Variants in HSD17B13 observed in about 807,000 individuals in gnomAD.
HSD17B13 encodes the protein 17-beta-hydroxysteroid dehydrogenase 13.
In HSD17B13, 26 loss-of-function variants were observed where a neutral mutation model predicts 31.1. The observed-to-expected ratio is 0.84, with a 90% CI of 0.61 to 1.16. HSD17B13 has a LOEUF of 1.16. Ranked by LOEUF, HSD17B13 falls within the 50% of genes most tolerant of loss-of-function variation. The pLI, the probability that HSD17B13 is intolerant of heterozygous loss-of-function variation, is 0.00. For synonymous variants in HSD17B13, 141 were observed against 133.7 expected, an observed-to-expected ratio of 1.05 and a Z score of -0.38; for missense variants, 374 against 366.5, an observed-to-expected ratio of 1.02 and a Z score of -0.17.
chr4:87,313,809 G>A lies in HSD17B13; in HGVS notation c.695+14C>T, dbSNP rs897529199. ...TCATACCACATACCCATTCTAACTT[G>A]ATTTTGACCTTACCTTGTGCTTGGA... On this transcript the variant is annotated intron_variant, in intron 5 of 6. Coordinates refer to ENST00000328546, the MANE Select transcript of HSD17B13 (RefSeq NM_178135.5). The A allele has an allele frequency of 3.1e-6, 5 of 1,607,478 alleles. No individual in the cohort carries two copies. In the African/African-American group the frequency reaches 6.7e-5, roughly 22 times the overall value.
intron 6 of HSD17B13, among the ~76,000 whole-genome samples, chr4:87,308,512 A>T (rs1188949772): frequency 2.3e-4 from 26 of 114,752 alleles, no homozygotes; most frequent in African/African-American, 9.7e-4. Flanking sequence ...AAAAAAAAAA[A>T]AAAAAAAAAA....
intron 3 of HSD17B13, among the ~76,000 whole-genome samples, chr4:87,316,483 G>C (rs1461549880): frequency 6.6e-6 from 1 of 151,940 alleles, no homozygotes; most frequent in Non-Finnish European, 1.5e-5. Flanking sequence ...CTAATATTGA[G>C]GCACTGGAAG....
chr4:87,303,902 T>G lies in HSD17B13; in HGVS notation c.*1316A>C, dbSNP rs1487380777. 1 of 152,160 alleles carries G rather than the reference T, an allele frequency of 6.6e-6. No homozygotes were observed. Among genetic ancestry groups the G allele is most frequent in the Non-Finnish European group, 1.5e-5 (1 of 68,046 alleles). The allele number at this position is 152,160 out of a possible 1,614,324, so 9.4% of individuals were successfully genotyped here. A position where few individuals can be genotyped will look rare whatever the true frequency, so the allele number is the denominator to read the frequency against. ...TTTTGTGACTTTTAAAAAAATCATT[T>G]GTTTTTAATAAAAACAAGAGGATAG... On this transcript the variant is annotated 3_prime_UTR_variant, in exon 7 of 7. Transcript: ENST00000328546.
intron 2 of HSD17B13, among the ~76,000 whole-genome samples, chr4:87,318,035 C>G (rs116470215): frequency 4.7e-3 from 713 of 152,188 alleles, no homozygotes; most frequent in East Asian, 0.014. Flanking sequence ...TAAAACAAAA[C>G]TAGGAAGTGA....
intron 6 of HSD17B13, among the ~76,000 whole-genome samples, chr4:87,305,859 T>G (rs752676836): frequency 3.3e-4 from 50 of 152,178 alleles, no homozygotes; most frequent in Non-Finnish European, 6.5e-4. Flanking sequence ...GGAAAAAGTG[T>G]GTTCTGATTA....
At chr4:87,313,186 G>A (rs979616435) in intron 5 of HSD17B13, among the ~76,000 whole-genome samples, 2 of 152,094 alleles carry the variant, frequency 1.3e-5, no homozygotes, top group African/African-American at 4.8e-5. Flanking sequence ...AGCTAACTCA[G>A]GCTGTAAGAG....
At position 87,320,510 on chromosome 4, in the gene HSD17B13, C is replaced by T. The variant is rs372814588; in HGVS notation, c.211-2074G>A. On this transcript the variant is annotated intron_variant, in intron 1 of 6. Transcript: ENST00000328546. ...CACACCATTCTCCTGCCTCAGCCTC[C>T]CGAGTAGCTGGGACTACAGGCGCCC... 1.1e-4 allele frequency among the ~76,000 whole-genome samples: 16 copies of T among 151,306 alleles called. No homozygotes were observed. In the East Asian group the frequency reaches 2.2e-3, roughly 20 times the overall value.
intron 5 of HSD17B13, among the ~76,000 whole-genome samples, chr4:87,312,561 G>T (rs867119396): frequency 9.2e-6 from 1 of 108,392 alleles, no homozygotes; most frequent in Non-Finnish European, 1.7e-5. Flanking sequence ...ACGGAGTCTC[G>T]CTCTGTCGCC....
chr4:87,312,677 C>T (rs7692507), intron 5 of HSD17B13, among the ~76,000 whole-genome samples: 115,690 of 150,462 alleles, frequency 0.77, 44,801 homozygotes, highest in Non-Finnish European at 0.81. Flanking sequence ...CTACAGGCGC[C>T]CGCCACCACG....
At position 87,305,088 on chromosome 4, in the gene HSD17B13, T is replaced by G. The variant is rs1350466126; in HGVS notation, c.*130A>C. On this transcript the variant is annotated 3_prime_UTR_variant, in exon 7 of 7. Transcript: ENST00000328546. ...AGGTAATTAATCTTGTTCGTTTGAC[T>G]GCTGCTAGTGCCAAACCAATGTTTT... 1.7e-5 allele frequency: 8 copies of G among 466,690 alleles called. No individual in the cohort carries two copies. The highest frequency in any genetic ancestry group is 2.9e-5 in the Non-Finnish European group (8 of 273,310). 28.9% of individuals were successfully genotyped at this position (466,690 alleles called of 1,614,324 possible).
In HSD17B13 at chr4:87,310,319, G is replaced by T; in HGVS notation, c.736C>A (p.Leu246Met). 6.4e-7 allele frequency: 1 copy of T among 1,571,712 alleles called. No individual in the cohort carries two copies. Among genetic ancestry groups the T allele is most frequent in the Non-Finnish European group, 8.6e-7 (1 of 1,164,298 alleles). Residue 246 changes from leucine (L) to methionine (M), a missense_variant, in exon 6 of 7, where the codon CTG (leucine) becomes ATG (methionine). Transcript: ENST00000328546. The stretch of plus-strand genomic sequence containing the variant: ...TTATTGGTAAGTATTCCATCTATCA[G>T]ACTTCTTACGACTTCATCTGTCTCC... ...VLETDEVVRSLIDGILTNKKM... is the reference protein window; with the variant it reads ...VLETDEVVRSMIDGILTNKKM...
rs535175855 is a variant in HSD17B13 at position 87,310,336 on chromosome 4, T to C, written c.719A>G (p.Asp240Gly). Reference protein sequence around the residue: ...STRLWPVLETDEVVRSLIDGI... With the variant: ...STRLWPVLETGEVVRSLIDGI... The stretch of plus-strand genomic sequence containing the variant: ...ATCTATCAGACTTCTTACGACTTCA[T>C]CTGTCTCCAATACAGGCCATAATCT... The change falls in exon 6 of 7, where the codon GAT becomes GGT. Residue 240 changes from aspartate to glycine, a missense_variant. Asp to Gly is a moderately conservative substitution (Grantham distance 94). Coordinates refer to ENST00000328546, the MANE Select transcript of HSD17B13 (RefSeq NM_178135.5). 89 of 1,566,818 alleles carry C rather than the reference T, an allele frequency of 5.7e-5. No individual in the cohort carries two copies. The South Asian group carries it at 9.0e-4, about 16-fold the overall frequency.
chr4:87,312,681 C>T lies in HSD17B13; in HGVS notation c.695+1142G>A, dbSNP rs549808283. On this transcript the variant is annotated intron_variant, in intron 5 of 6. Coordinates refer to ENST00000328546, the MANE Select transcript of HSD17B13 (RefSeq NM_178135.5). The stretch of plus-strand genomic sequence containing the variant: ...CGCAGCTGGGACTACAGGCGCCCGC[C>T]ACCACGCCCGGCTAATTTTTTTGTG... Among the ~76,000 whole-genome samples the T allele has an allele frequency of 5.3e-5, 8 of 151,472 alleles. No individual in the cohort carries two copies. The South Asian group carries it at 1.3e-3, about 24-fold the overall frequency.
At chr4:87,308,485 TAAAAAAAAAAAA>T (rs893354684) in intron 6 of HSD17B13, among the ~76,000 whole-genome samples, 5 of 33,214 alleles carry the variant, frequency 1.5e-4, no homozygotes, top group Non-Finnish European at 2.4e-4. Flanking sequence ...CCGTCTCTAC[TAAAAAAAAAAAA>T]AAAAAAAAAA....
rs370812362 is a variant in HSD17B13 at position 87,303,807 on chromosome 4, C to A, written c.*1411G>T. On this transcript the variant is annotated 3_prime_UTR_variant, in exon 7 of 7. Transcript: ENST00000328546. ...ATAGAGACAGAGTTTAGAAGTCAAA[C>A]GTTTTATTTTATAACTACAAGAGGT... 3.3e-5 allele frequency: 5 copies of A among 151,960 alleles called. No individual in the cohort carries two copies. In the East Asian group the frequency reaches 9.6e-4, roughly 29 times the overall value. The allele number at this position is 151,960 out of a possible 1,614,324, so 9.4% of individuals were successfully genotyped here.
At chr4:87,322,266 A>C (rs1470600290) in intron 1 of HSD17B13, among the ~76,000 whole-genome samples, 1 of 152,076 alleles carries the variant, frequency 6.6e-6, no homozygotes, top group Non-Finnish European at 1.5e-5. Context: ...TCTTCGTTTG[A>C]CTTTTGTTTG....
rs139465724 is a variant in HSD17B13, at chr4:87,313,393, T to C, written c.695+430A>G. Among the ~76,000 whole-genome samples, 637 of 152,358 alleles carry C rather than the reference T, an allele frequency of 4.2e-3. 3 individuals are homozygous for C. The highest frequency in any genetic ancestry group is 0.014 in the African/African-American group (595 of 41,580). On this transcript the variant is annotated intron_variant, in intron 5 of 6. Coordinates refer to ENST00000328546, the MANE Select transcript of HSD17B13 (RefSeq NM_178135.5). The stretch of plus-strand genomic sequence containing the variant: ...AGATGGCTTAATTTTCGGGTTCTTA[T>C]CCACACCTTCCTGCTTTTTTCTTCT...
chr4:87,314,641 TCACA>T (rs1553956168), intron 4 of HSD17B13, among the ~76,000 whole-genome samples: 1,556 of 142,222 alleles, frequency 0.011, 20 homozygotes, highest in East Asian at 0.07. Flanking sequence ...TCTCTCTCTC[TCACA>T]CACACACACA....
intron 6 of HSD17B13, 54 bp downstream of exon 6, chr4:87,310,187 CAA>C (rs59716219): frequency 9.8e-5 from 134 of 1,367,856 alleles, no homozygotes; most frequent in South Asian, 3.7e-4. Flanking sequence ...AAAAAAAAAG[CAA>C]AAAAAAAAGC....
Sources: allele counts gnomAD v4.1 joint callset (sites outside exome capture counted in the v4.1 genomes callset), GRCh38; gene constraint gnomAD v4.1.1; transcripts MANE v1.5; gene names NCBI Gene and HGNC (gene_info 2026-07-23, HGNC 2026-07-21).